WDPCP: variants seen among roughly 807,000 people sequenced by gnomAD.
WDPCP encodes the protein WD repeat containing planar cell polarity effector, also known as WD repeat-containing and planar cell polarity effector protein fritz homolog.
WDPCP carries 71 observed loss-of-function variants against 93.1 expected under a neutral mutation model. The ratio of observed to expected loss-of-function variants is 0.76; its 90% CI spans 0.63 to 0.93. The LOEUF is 0.93. Ranked by LOEUF, WDPCP falls within the 40% of genes least tolerant of loss-of-function variation. The pLI is 0.00. For missense variants in WDPCP, 844 were observed against 887.4 expected, an observed-to-expected ratio of 0.95 and a Z score of 0.62; for synonymous variants, 315 against 315.0, an observed-to-expected ratio of 1.00 and a Z score of 0.00.
At chr2:63,702,967 T>A (rs371564285) in intron 2 of WDPCP, among the ~76,000 whole-genome samples, 1 of 151,486 alleles carries the variant, frequency 6.6e-6, no homozygotes, top group South Asian at 2.1e-4. Flanking sequence ...TGAGAACATG[T>A]GGTGTTTGGT....
intron 13 of WDPCP, among the ~76,000 whole-genome samples, chr2:63,288,224 A>C (rs1575066005): frequency 6.6e-6 from 1 of 152,336 alleles, no homozygotes; most frequent in East Asian, 1.9e-4. Flanking sequence ...TGCCAACATG[A>C]GAATGTTCAG....
intron 10 of WDPCP, among the ~76,000 whole-genome samples, chr2:63,393,927 T>C (rs2203720): frequency 0.5 from 76,667 of 152,036 alleles, 19,672 homozygotes; most frequent in Admixed American, 0.58. Context: ...CAATTAAAGA[T>C]GGATTAAAGA....
At chr2:63,779,442 T>A (rs1457533290) in intron 2 of WDPCP, among the ~76,000 whole-genome samples, 1 of 152,178 alleles carries the variant, frequency 6.6e-6, no homozygotes, top group African/African-American at 2.4e-5. Context: ...CTTGGGGTAA[T>A]TATATTAAGT....
rs1670712562 is a variant in WDPCP, at chr2:63,802,564, T to C, written n.308+11058A>G. 2.0e-5 allele frequency among the ~76,000 whole-genome samples: 3 copies of C among 152,096 alleles called. No homozygotes were observed. The East Asian group carries it at 5.8e-4, about 29-fold the overall frequency. ...CTAGCTGTGACTGAAAGTAAAAAAA[T>C]TGTGAAGAATTTTGGACTGAATTTC... On this transcript the variant is annotated intron_variant and non_coding_transcript_variant, in intron 2 of 4. Coordinates refer to the WDPCP transcript ENST00000467687.
upstream of WDPCP, chr2:63,590,734 A>C (rs1043189307): frequency 3.3e-5 from 5 of 152,228 alleles, no homozygotes; most frequent in African/African-American, 1.2e-4. Context: ...TTGGAAGGTC[A>C]CTGGGGTGCC....
At chr2:63,700,365 A>T (rs557053494) in intron 2 of WDPCP, among the ~76,000 whole-genome samples, 1 of 151,808 alleles carries the variant, frequency 6.6e-6, no homozygotes, top group Non-Finnish European at 1.5e-5. Context: ...GGCTCCAGGG[A>T]ACTAGAGAAG....
At chr2:63,519,981 A>C (rs1702810894) in intron 1 of WDPCP, among the ~76,000 whole-genome samples, 1 of 152,218 alleles carries the variant, frequency 6.6e-6, no homozygotes, top group Admixed American at 6.5e-5. Flanking sequence ...AGGAGTATTA[A>C]GATTATAATA....
intron 1 of WDPCP, among the ~76,000 whole-genome samples, chr2:63,502,861 A>G (rs1158522446): frequency 6.6e-6 from 1 of 152,110 alleles, no homozygotes; most frequent in Non-Finnish European, 1.5e-5. Context: ...AAAGAGATTT[A>G]GACCCCAGCC....
intron 3 of WDPCP, chr2:63,599,078 G>A (rs899042788): frequency 2.0e-4 from 271 of 1,329,304 alleles, no homozygotes; most frequent in Non-Finnish European, 8.5e-5. Flanking sequence ...CTGTACAAAG[G>A]CTACCTGTTA....
chr2:63,784,216 G>A (rs1191993387), intron 2 of WDPCP, among the ~76,000 whole-genome samples: 3 of 152,082 alleles, frequency 2.0e-5, no homozygotes, highest in Non-Finnish European at 2.9e-5. Context: ...GTCAAGGAAG[G>A]GTGGGGTACT....
intron 1 of WDPCP, among the ~76,000 whole-genome samples, chr2:63,571,052 G>A (rs560243026): frequency 7.4e-5 from 11 of 147,740 alleles, no homozygotes; most frequent in African/African-American, 2.8e-4. Context: ...CTACAGGTGC[G>A]TGCCACTAGG....
chr2:63,437,120 T>TA (rs909391807), intron 8 of WDPCP, among the ~76,000 whole-genome samples: 1 of 152,068 alleles, frequency 6.6e-6, no homozygotes, highest in Non-Finnish European at 1.5e-5. Flanking sequence ...GTATATATAC[T>TA]ACCACTGGCA....
intron 1 of WDPCP, among the ~76,000 whole-genome samples, chr2:63,534,299 C>G (rs1704094047): frequency 6.6e-6 from 1 of 152,210 alleles, no homozygotes; most frequent in Non-Finnish European, 1.5e-5. Flanking sequence ...GAGCCGGTAC[C>G]ATTCCTTCTG....
intron 11 of WDPCP, among the ~76,000 whole-genome samples, chr2:63,380,947 T>C (rs1692252681): frequency 1.3e-5 from 2 of 152,250 alleles, no homozygotes; most frequent in South Asian, 4.1e-4. Context: ...CTTGTTTATT[T>C]TGGCAATGTA....
chr2:63,641,345 T>C (rs1212679088), intron 3 of WDPCP, among the ~76,000 whole-genome samples: 1 of 152,184 alleles, frequency 6.6e-6, no homozygotes, highest in Non-Finnish European at 1.5e-5. Context: ...AGCTCTATAT[T>C]TAGATGTTTG....
At chr2:63,462,727 T>C (rs116132070) in intron 6 of WDPCP, among the ~76,000 whole-genome samples, 3,054 of 152,034 alleles carry the variant, frequency 0.02, 120 homozygotes, top group African/African-American at 0.07. Context: ...AGAGATTAGT[T>C]GGATATGGGG....
chr2:63,128,569 C>T (rs2153398115), intron 17 of WDPCP, among the ~76,000 whole-genome samples: 1 of 152,288 alleles, frequency 6.6e-6, no homozygotes, highest in Non-Finnish European at 1.5e-5. Flanking sequence ...ATGTAACCAT[C>T]ACCGCTCTCC....
At chr2:63,779,942 G>A (rs1282101399) in intron 2 of WDPCP, among the ~76,000 whole-genome samples, 1 of 152,122 alleles carries the variant, frequency 6.6e-6, no homozygotes, top group Non-Finnish European at 1.5e-5. Context: ...AGTTCTTAGA[G>A]TCAAGATGCC....
chr2:63,491,329 T>A (rs1178979470), intron 2 of WDPCP, among the ~76,000 whole-genome samples: 1 of 152,122 alleles, frequency 6.6e-6, no homozygotes, highest in East Asian at 1.9e-4. Flanking sequence ...TCTCTGTTTG[T>A]ATTTACAAGT....
Sources: gnomAD v4.1 joint callset for allele counts (sites outside exome capture counted in the v4.1 genomes callset) on GRCh38, gnomAD v4.1.1 for gene constraint, MANE v1.5 for transcripts, NCBI Gene and HGNC (gene_info 2026-07-23, HGNC 2026-07-21) for gene names.